The following NAA11 variants were observed in gnomAD, a reference collection of about 807,000 sequenced individuals.
The protein encoded by NAA11 is N-alpha-acetyltransferase 11.
A neutral mutation model predicts 16.1 loss-of-function variants in NAA11; 15 were observed. That is an observed-to-expected ratio of 0.93 (90% CI 0.62 to 1.44). The LOEUF is 1.44. Ranked by LOEUF, NAA11 falls within the 40% of genes most tolerant of loss-of-function variation. NAA11 has a pLI of 0.00. For synonymous variants in NAA11, 122 were observed against 112.4 expected (o/e 1.09, Z -0.54); for missense variants, 298 against 291.3 (o/e 1.02, Z -0.17).
chr4:79,298,016 A>G (rs548597289), intron 1 of NAA11, among the ~76,000 whole-genome samples: 1 of 152,312 alleles, frequency 6.6e-6, no homozygotes, highest in South Asian at 2.1e-4. Flanking sequence ...GCTCAGCCAG[A>G]GCAGAGCAGA....
intron 2 of NAA11, among the ~76,000 whole-genome samples, chr4:79,272,951 G>A (rs1260586164): frequency 6.6e-6 from 1 of 151,864 alleles, no homozygotes; most frequent in East Asian, 1.9e-4. Context: ...CTTCTACATA[G>A]CTACTCTGGG....
At chr4:79,274,897 A>G (rs1399691990) in intron 2 of NAA11, among the ~76,000 whole-genome samples, 1 of 152,080 alleles carries the variant, frequency 6.6e-6, no homozygotes, top group Admixed American at 6.6e-5. Flanking sequence ...TATAGCAGAA[A>G]TCTAAAATAG....
At chr4:79,157,898 ATTTTTTT>A in the NAA11 span, among the ~76,000 whole-genome samples, 1 of 126,008 alleles carries the variant, frequency 7.9e-6, no homozygotes, top group Non-Finnish European at 1.7e-5. Flanking sequence ...ATTGCTGATG[ATTTTTTT>A]TTTTTTTTTT....
chr4:79,283,293 C>T (rs1277916009), intron 2 of NAA11, among the ~76,000 whole-genome samples: 1 of 151,160 alleles, frequency 6.6e-6, no homozygotes. Flanking sequence ...ATGAACAAAC[C>T]TAAAGGTTTT....
At chr4:79,314,668 TC>T (rs1723877326), downstream of NAA11, among the ~76,000 whole-genome samples, 1 of 105,550 alleles carries the variant, frequency 9.5e-6, no homozygotes. Context: ...AAAAAAAGAC[TC>T]AGTAGTCTTT....
Position 79,324,264 on chromosome 4 carries a change from CT to C in NAA11, c.*12+911del, listed in dbSNP as rs1231969809. On this transcript the variant is annotated intron_variant, in intron 1 of 1. Coordinates refer to ENST00000286794, the MANE Select transcript of NAA11 (RefSeq NM_032693.3). ...TGTATGTATCTTTAACAGATAAGGA[CT>C]TTCTAAACATAATACAATACCATTT... is the stretch of plus-strand genomic sequence containing the variant. Among the ~76,000 whole-genome samples the C allele has an allele frequency of 6.6e-5, 10 of 152,204 alleles. No individual in the cohort carries two copies. The South Asian group carries it at 1.9e-3, about 28-fold the overall frequency.
the NAA11 span, among the ~76,000 whole-genome samples, chr4:79,167,266 TATATAGAGAG>T: frequency 2.5e-5 from 3 of 119,312 alleles, no homozygotes; most frequent in South Asian, 2.7e-4. Flanking sequence ...TATATATATA[TATATAGAGAG>T]AGAGAGAGAG....
chr4:79,319,570 C>T (rs1724030250), intron 1 of NAA11, among the ~76,000 whole-genome samples: 1 of 152,142 alleles, frequency 6.6e-6, no homozygotes, highest in Admixed American at 6.5e-5. Context: ...GGAAAAACCT[C>T]TGCTTTTATC....
At chr4:79,289,917 CTGCTGGGTTGGCAGAGGAGG>C (rs1365782206) in intron 2 of NAA11, among the ~76,000 whole-genome samples, 1 of 152,162 alleles carries the variant, frequency 6.6e-6, no homozygotes, top group African/African-American at 2.4e-5. Context: ...AGGAAGGCTG[CTGCTGGGTTGGCAGAGGAGG>C]TTCTCAGCCG....
At chr4:79,287,916 T>C (rs1288471181) in intron 2 of NAA11, among the ~76,000 whole-genome samples, 1 of 152,204 alleles carries the variant, frequency 6.6e-6, no homozygotes, top group East Asian at 1.9e-4. Context: ...TTGGTTGACA[T>C]TGAGTTGAAC....
chr4:79,198,727 G>A, the NAA11 span, among the ~76,000 whole-genome samples: 1 of 151,888 alleles, frequency 6.6e-6, no homozygotes, highest in South Asian at 2.1e-4. Context: ...GATTTCAACA[G>A]TTTTGGAATT....
At chr4:79,252,382 C>T (rs1052301301) in intron 2 of NAA11, among the ~76,000 whole-genome samples, 2 of 152,082 alleles carry the variant, frequency 1.3e-5, no homozygotes, top group African/African-American at 4.8e-5. Flanking sequence ...ACCTAAAATG[C>T]ACCAGGCAGT....
chr4:79,215,711 G>A, the NAA11 span, among the ~76,000 whole-genome samples: 1 of 152,184 alleles, frequency 6.6e-6, no homozygotes, highest in Non-Finnish European at 1.5e-5. Flanking sequence ...CAGCAAATCT[G>A]CTTCAAAATG....
chr4:79,249,362 A>T (rs1421668717), intron 2 of NAA11, among the ~76,000 whole-genome samples: 2 of 152,240 alleles, frequency 1.3e-5, no homozygotes, highest in East Asian at 3.8e-4. Flanking sequence ...CAAGGAATCT[A>T]AGGATTAGGA....
At chr4:79,190,839 T>A in the NAA11 span, among the ~76,000 whole-genome samples, 1 of 152,114 alleles carries the variant, frequency 6.6e-6, no homozygotes, top group Non-Finnish European at 1.5e-5. Flanking sequence ...CACCCTCAAG[T>A]AGACCTCAGT....
the NAA11 span, among the ~76,000 whole-genome samples, chr4:79,173,274 T>C: frequency 2.0e-5 from 3 of 152,118 alleles, no homozygotes; most frequent in South Asian, 6.2e-4. Flanking sequence ...TGCCAGTCTC[T>C]AATCATTCAA....
intron 2 of NAA11, among the ~76,000 whole-genome samples, chr4:79,251,400 C>T (rs1302540063): frequency 6.6e-6 from 1 of 152,140 alleles, no homozygotes; most frequent in Admixed American, 6.5e-5. Context: ...CTCATGTTCT[C>T]ACTTATAAGT....
intron 2 of NAA11, among the ~76,000 whole-genome samples, chr4:79,254,463 A>G (rs745517024): frequency 2.0e-5 from 3 of 152,208 alleles, no homozygotes; most frequent in African/African-American, 4.8e-5. Flanking sequence ...TCTAGTTTGT[A>G]TAACATAGCA....
At chr4:79,190,785 A>G in the NAA11 span, among the ~76,000 whole-genome samples, 1 of 151,954 alleles carries the variant, frequency 6.6e-6, no homozygotes, top group Non-Finnish European at 1.5e-5. Flanking sequence ...TAAGCCCAGT[A>G]CTCAATAGTT....
Sources: allele counts gnomAD v4.1 joint callset (sites outside exome capture counted in the v4.1 genomes callset), GRCh38; gene constraint gnomAD v4.1.1; transcripts MANE v1.5; gene names NCBI Gene and HGNC (gene_info 2026-07-23, HGNC 2026-07-21).